Variants in NT5C2 observed in about 807,000 individuals in gnomAD.
NT5C2 encodes the protein cytosolic purine 5'-nucleotidase.
Under a neutral mutation model 76.1 loss-of-function variants are expected in NT5C2, and 58 were observed. The observed-to-expected ratio is 0.76, with a 90% CI of 0.62 to 0.95. The LOEUF (loss-of-function observed/expected upper bound fraction) is 0.95. NT5C2 is among the 40% of genes least tolerant of loss of function. The pLI is 0.00. For missense variants in NT5C2, 478 were observed against 690.3 expected, an observed-to-expected ratio of 0.69 and a Z score of 3.45; for synonymous variants, 229 against 237.4, an observed-to-expected ratio of 0.96 and a Z score of 0.32.
chr10:103,192,435 G>C (rs1032302842), intron 1 of NT5C2, among the ~76,000 whole-genome samples: 1 of 152,168 alleles, frequency 6.6e-6, no homozygotes, highest in Non-Finnish European at 1.5e-5. Context: ...TGGCCTGCCG[G>C]AGTCAAACCC....
Position 103,089,680 on chromosome 10 carries a change from C to T in NT5C2, c.1678G>A (p.Glu560Lys). Residue 560 changes from glutamate (E) to lysine (K), a missense_variant, in exon 19 of 19, where the codon GAA becomes AAA. Physicochemically the swap from Glu to Lys is moderately conservative, Grantham distance 56 (BLOSUM62 1). Transcript: ENST00000404739. The stretch of plus-strand genomic sequence containing the variant: ...GGTTTTGGTTTTCCTCCTTATTCTT[C>T]CTCCTCCTCCTCCTCTTCATCATCA... ...EDDDEEEEEE[E>K]E The T allele has an allele frequency of 6.6e-7, 1 of 1,517,244 alleles. No homozygotes were observed. The highest frequency in any genetic ancestry group is 9.0e-7 in the Non-Finnish European group (1 of 1,114,632). The allele number at this position is 1,517,244 out of a possible 1,614,324, so 94.0% of individuals were successfully genotyped here.
At chr10:103,146,171 G>A (rs930276046) in intron 3 of NT5C2, 2 of 985,226 alleles carry the variant, frequency 2.0e-6, no homozygotes, top group African/African-American at 3.5e-5. Flanking sequence ...ACCTGAATCA[G>A]GCCCCTCAAA....
At chr10:103,118,557 T>C (rs1405351241) in intron 4 of NT5C2, among the ~76,000 whole-genome samples, 2 of 152,028 alleles carry the variant, frequency 1.3e-5, no homozygotes, top group Admixed American at 1.3e-4. Flanking sequence ...TTTTGTTATG[T>C]TGCTCAGGCT....
chr10:103,145,866 G>A (rs1029869554), intron 3 of NT5C2, among the ~76,000 whole-genome samples: 1 of 152,042 alleles, frequency 6.6e-6, no homozygotes, highest in African/African-American at 2.4e-5. Context: ...CTCCATCCAA[G>A]TAAATATAAA....
At chr10:103,098,280 A>T (rs933944805) in intron 10 of NT5C2, 3 of 283,254 alleles carry the variant, frequency 1.1e-5, no homozygotes, top group Admixed American at 5.6e-5. Flanking sequence ...TAACATTGGT[A>T]CAATACTATT....
chr10:103,150,556 A>G (rs757276491), intron 3 of NT5C2, among the ~76,000 whole-genome samples: 6 of 152,184 alleles, frequency 3.9e-5, no homozygotes, highest in Non-Finnish European at 8.8e-5. Flanking sequence ...TTACTAGGTC[A>G]TATGTTAAGC....
In NT5C2 at chr10:103,094,494, C is replaced by CT. The variant is rs761393096; in HGVS notation, c.814-40dup. 4.7e-6 allele frequency: 5 copies of CT among 1,064,120 alleles called. 1 individual carries two copies. The Admixed American group carries it at 8.7e-5, about 18-fold the overall frequency. 65.9% of individuals were successfully genotyped at this position (1,064,120 alleles called of 1,614,324 possible). On this transcript the variant is annotated intron_variant, in intron 12 of 18. Transcript: ENST00000404739. The stretch of plus-strand genomic sequence containing the variant: ...AACAGCAAAAGTTGAAACATCACTC[C>CT]TTACCTTAAGGCATTACTATTTAAT...
chr10:103,105,825 T>C, intron 5 of NT5C2, 24 bp from the exon 6 acceptor site: 1 of 1,507,574 alleles, frequency 6.6e-7, no homozygotes, highest in Non-Finnish European at 9.2e-7. Flanking sequence ...AAGACATTAT[T>C]GATAATGCAA....
intron 1 of NT5C2, among the ~76,000 whole-genome samples, chr10:103,183,262 GATATA>G (rs1291263855): frequency 9.5e-5 from 7 of 73,374 alleles, no homozygotes; most frequent in South Asian, 5.1e-4. Context: ...GTGTGTGTGT[GATATA>G]TATATATATA....
intron 1 of NT5C2, among the ~76,000 whole-genome samples, chr10:103,185,562 T>C (rs1476317830): frequency 6.7e-6 from 1 of 149,628 alleles, no homozygotes; most frequent in African/African-American, 2.5e-5. Context: ...GTAGGAAGAT[T>C]GCTTGAGCCG....
At chr10:103,174,634 G>C (rs901447555) in intron 3 of NT5C2, among the ~76,000 whole-genome samples, 1 of 138,334 alleles carries the variant, frequency 7.2e-6, no homozygotes, top group Non-Finnish European at 1.6e-5. Context: ...CAATTTTCTA[G>C]CAACCAAAGA....
intron 10 of NT5C2, chr10:103,098,597 G>A (rs922239134): frequency 2.7e-5 from 6 of 220,648 alleles, no homozygotes; most frequent in East Asian, 2.5e-4. Flanking sequence ...ATGGCATAAT[G>A]CATGTAATCA....
intron 3 of NT5C2, among the ~76,000 whole-genome samples, chr10:103,154,187 G>C (rs2082902749): frequency 6.6e-6 from 1 of 152,170 alleles, no homozygotes; most frequent in South Asian, 2.1e-4. Context: ...AGAACATTGA[G>C]ATGGCAAATC....
Position 103,106,693 on chromosome 10 carries a change from T to A in NT5C2, c.189A>T (p.Pro63=), listed in dbSNP as rs778823760. Residue 63 remains proline (P), a synonymous_variant, in exon 5 of 19, where the codon CCA becomes CCT. Transcript: ENST00000404739. ...MDYTLAVYKS[P]EYESLGFELT... ...GCTCAAAACCAAGGGACTCATACTC[T>A]GGGGACTTGTACACTGCACAAAGAG... 1 of 1,605,762 alleles carries A rather than the reference T, an allele frequency of 6.2e-7. No individual in the cohort carries two copies. The highest frequency in any genetic ancestry group is 2.2e-5 in the East Asian group (1 of 44,832).
intron 3 of NT5C2, among the ~76,000 whole-genome samples, chr10:103,173,752 C>CTG (rs2088969003): frequency 6.6e-6 from 1 of 151,002 alleles, no homozygotes; most frequent in Non-Finnish European, 1.5e-5. Context: ...TGGTGAAACC[C>CTG]TGTCACTACT....
In NT5C2 at chr10:103,098,980, G is replaced by A; in HGVS notation, c.638C>T (p.Ser213Phe). The change falls in exon 10 of 19, where the codon TCC (serine) becomes TTC (phenylalanine). Residue 213 changes from serine to phenylalanine, a missense_variant. Physicochemically the swap from Ser to Phe is radical, Grantham distance 155 (BLOSUM62 -2). Coordinates refer to ENST00000404739, the MANE Select transcript of NT5C2 (RefSeq NM_001351169.2). ...ATTTTCAACTGTCTTTTCCTTAAGG[G>A]AGCCCTGGAGGAAGACAAAAAAAAG... is the stretch of plus-strand genomic sequence containing the variant. ...DAVDWVHYKG[S>F]LKEKTVENLE... 1 of 1,605,026 alleles carries A rather than the reference G, an allele frequency of 6.2e-7. No individual in the cohort carries two copies. The highest frequency in any genetic ancestry group is 8.5e-7 in the Non-Finnish European group (1 of 1,173,554).
chr10:103,097,214 T>A, intron 11 of NT5C2, 77 bp downstream of exon 11: 1 of 1,100,608 alleles, frequency 9.1e-7, no homozygotes, highest in Non-Finnish European at 1.3e-6. Context: ...TAAACTTCTA[T>A]CTTCCTCATT....
intron 14 of NT5C2, 108 bp downstream of exon 14, chr10:103,093,864 C>A: frequency 1.2e-6 from 1 of 801,990 alleles, no homozygotes. Context: ...CAGTAGATGA[C>A]ATCTTAGACT....
intron 4 of NT5C2, 84 bp from the exon 5 acceptor site, chr10:103,106,790 C>T: frequency 1.2e-6 from 1 of 843,808 alleles, no homozygotes; most frequent in Non-Finnish European, 2.0e-6. Flanking sequence ...TCTGCTCTTT[C>T]CCAGTTCTTC....
Sources: allele counts gnomAD v4.1 joint callset (sites outside exome capture counted in the v4.1 genomes callset), GRCh38; gene constraint gnomAD v4.1.1; transcripts MANE v1.5; gene names NCBI Gene and HGNC (gene_info 2026-07-23, HGNC 2026-07-21).